Variants in OPCML observed in about 807,000 individuals in gnomAD.
The protein encoded by OPCML is opioid binding protein/cell adhesion molecule like.
Under a neutral mutation model 37.8 loss-of-function variants are expected in OPCML, and 13 were observed. The observed-to-expected ratio is 0.34, with a 90% CI of 0.22 to 0.55. The LOEUF (loss-of-function observed/expected upper bound fraction) is 0.55. OPCML is among the 20% of genes least tolerant of loss of function. The pLI is 0.91. For synonymous variants in OPCML, 176 were observed against 168.8 expected (o/e 1.04, Z -0.33); for missense variants, 341 against 435.6 (o/e 0.78, Z 1.93).
rs71477795 is a variant in OPCML at position 133,433,251 on chromosome 11, C to CAAAAAAAAA, written c.61+99004_61+99012dup. Among the ~76,000 whole-genome samples the CAAAAAAAAA allele has an allele frequency of 2.5e-4, 23 of 90,730 alleles. 1 individual carries two copies. The highest frequency in any genetic ancestry group is 1.0e-3 in the African/African-American group (22 of 21,812). 59.5% of individuals were successfully genotyped at this position (90,730 alleles called of 152,430 possible). A position where few individuals can be genotyped will look rare whatever the true frequency, so the allele number is the denominator to read the frequency against. On this transcript the variant is annotated intron_variant, in intron 1 of 7. Transcript: ENST00000524381. ...TGGGCGACAGAGCGAGACTCCGTCT[C>CAAAAAAAAA]AAAAAAAAAAAAAAAAAAATATTAC...
chr11:133,230,765 A>G (rs769274664), intron 1 of OPCML, among the ~76,000 whole-genome samples: 4 of 152,118 alleles, frequency 2.6e-5, no homozygotes, highest in Non-Finnish European at 1.5e-5. Flanking sequence ...GGACAGGCCC[A>G]TTTTCCTGAG....
At chr11:133,422,970 T>C (rs1592283585) in intron 1 of OPCML, 1 of 982,400 alleles carries the variant, frequency 1.0e-6, no homozygotes, top group Non-Finnish European at 1.2e-6. Context: ...TGTCATATAA[T>C]GAGACAGTGT....
intron 1 of OPCML, among the ~76,000 whole-genome samples, chr11:133,508,866 C>G (rs1045052672): frequency 2.0e-5 from 3 of 152,168 alleles, no homozygotes; most frequent in Non-Finnish European, 4.4e-5. Context: ...CGGCTTGCCC[C>G]AGCACCTTCC....
At chr11:133,003,404 A>G (rs1193699646) in intron 1 of OPCML, among the ~76,000 whole-genome samples, 1 of 152,042 alleles carries the variant, frequency 6.6e-6, no homozygotes, top group Admixed American at 6.6e-5. Context: ...AGCATCTTCA[A>G]ATCTCTCTCT....
chr11:132,834,119 G>A (rs924761463), intron 2 of OPCML, among the ~76,000 whole-genome samples: 74 of 152,256 alleles, frequency 4.9e-4, no homozygotes, highest in Non-Finnish European at 8.4e-4. Context: ...GAAGTTGGCT[G>A]ATGTTTGATT....
intron 1 of OPCML, among the ~76,000 whole-genome samples, chr11:132,973,831 C>G (rs1946397800): frequency 6.6e-6 from 1 of 152,332 alleles, no homozygotes; most frequent in East Asian, 1.9e-4. Flanking sequence ...AGATGATCAT[C>G]TTCTACTTAA....
chr11:133,084,611 G>A (rs556237583), intron 1 of OPCML, among the ~76,000 whole-genome samples: 2 of 152,318 alleles, frequency 1.3e-5, no homozygotes, highest in South Asian at 2.1e-4. Flanking sequence ...ATCACTGGGA[G>A]GCGTATTGGG....
intron 3 of OPCML, among the ~76,000 whole-genome samples, chr11:132,576,396 T>C (rs1285202797): frequency 6.6e-6 from 1 of 152,056 alleles, no homozygotes; most frequent in Non-Finnish European, 1.5e-5. Flanking sequence ...CTTTTTTTTT[T>C]CTGCTTGATC....
At chr11:132,484,837 A>G (rs2096194199) in intron 4 of OPCML, among the ~76,000 whole-genome samples, 1 of 152,218 alleles carries the variant, frequency 6.6e-6, no homozygotes, top group Non-Finnish European at 1.5e-5. Context: ...CAAACGCTGC[A>G]TATTCTCACT....
intron 1 of OPCML, among the ~76,000 whole-genome samples, chr11:133,123,519 C>T (rs986583579): frequency 4.6e-5 from 7 of 152,136 alleles, no homozygotes; most frequent in African/African-American, 1.4e-4. Flanking sequence ...AAGGGCAGCA[C>T]GCCTCCGAGG....
At chr11:133,292,873 T>C (rs2136542872) in intron 1 of OPCML, among the ~76,000 whole-genome samples, 1 of 152,250 alleles carries the variant, frequency 6.6e-6, no homozygotes, top group Middle Eastern at 3.4e-3. Flanking sequence ...AGTCTGCAAC[T>C]AAAATTCATG....
Position 132,760,472 on chromosome 11 carries a change from T to C in OPCML, c.147-103153A>G, listed in dbSNP as rs530716092. On this transcript the variant is annotated intron_variant, in intron 2 of 7. Transcript: ENST00000524381. ...GTCTCTAAGAACTTGCTTTATTAAT[T>C]TGAGTGCTCCTGTATTGGGTGCATA... Among the ~76,000 whole-genome samples, 4 of 152,228 alleles carry C rather than the reference T, an allele frequency of 2.6e-5. No homozygotes were observed. In the South Asian group the frequency reaches 6.2e-4, roughly 24 times the overall value.
At chr11:132,691,977 T>C (rs911771366) in intron 2 of OPCML, among the ~76,000 whole-genome samples, 4 of 152,150 alleles carry the variant, frequency 2.6e-5, no homozygotes, top group African/African-American at 9.7e-5. Flanking sequence ...TGCAACCTAG[T>C]GTTTGTAGAA....
intron 2 of OPCML, among the ~76,000 whole-genome samples, chr11:132,834,549 C>T (rs1434585356): frequency 2.0e-5 from 3 of 152,214 alleles, no homozygotes; most frequent in African/African-American, 4.8e-5. Context: ...AGCCCCAGGC[C>T]TTCTTTGGCC....
Position 132,848,507 on chromosome 11 carries a change from A to G in OPCML, c.146+94419T>C, listed in dbSNP as rs187201402. On this transcript the variant is annotated intron_variant, in intron 2 of 7. Coordinates refer to ENST00000524381, the MANE Select transcript of OPCML (RefSeq NM_001012393.5). ...ATTTCTCTCAAGTCTTGAGATGCCT[A>G]TGTGTGCTTGGGCTCTGACCACAAC... is the stretch of plus-strand genomic sequence containing the variant. Among the ~76,000 whole-genome samples the G allele has an allele frequency of 3.3e-5, 5 of 152,322 alleles. No individual in the cohort carries two copies. The East Asian group carries it at 9.7e-4, about 29-fold the overall frequency.
chr11:133,189,091 C>T (rs1464848867), intron 1 of OPCML, among the ~76,000 whole-genome samples: 3 of 152,182 alleles, frequency 2.0e-5, no homozygotes, highest in Non-Finnish European at 4.4e-5. Flanking sequence ...ATGGTTCTCA[C>T]CATCCATCCA....
At position 133,340,606 on chromosome 11, in the gene OPCML, CTCTGTGTG is replaced by C. The variant is rs1456272428; in HGVS notation, c.61+191650_61+191657del. On this transcript the variant is annotated intron_variant, in intron 1 of 7. Transcript: ENST00000524381. ...ACTCTAGCCCACAAATTAAGACTCT[CTCTGTGTG>C]TGTGTGTGTGTGTGTGTGTGTGTGT... Among the ~76,000 whole-genome samples the C allele has an allele frequency of 7.6e-3, 830 of 109,352 alleles. 11 individuals are homozygous for C. Among genetic ancestry groups the C allele is most frequent in the African/African-American group, 0.031 (786 of 25,242 alleles). 71.7% of individuals were successfully genotyped at this position (109,352 alleles called of 152,430 possible).
At chr11:133,037,382 C>G (rs556484851) in intron 1 of OPCML, among the ~76,000 whole-genome samples, 1 of 152,244 alleles carries the variant, frequency 6.6e-6, no homozygotes, top group South Asian at 2.1e-4. Context: ...TGGAAGCGTT[C>G]AAGTTGAGGC....
intron 2 of OPCML, among the ~76,000 whole-genome samples, chr11:132,697,498 T>G (rs2135910229): frequency 6.6e-6 from 1 of 152,320 alleles, no homozygotes; most frequent in Non-Finnish European, 1.5e-5. Flanking sequence ...TTTAAATTTT[T>G]TTAGATTCTA....
Sources: allele counts gnomAD v4.1 joint callset (sites outside exome capture counted in the v4.1 genomes callset), GRCh38; gene constraint gnomAD v4.1.1; transcripts MANE v1.5; gene names NCBI Gene and HGNC (gene_info 2026-07-23, HGNC 2026-07-21).